RPP38: variants seen among roughly 807,000 people sequenced by gnomAD.
The protein encoded by RPP38 is ribonuclease P protein subunit p38.
Under a neutral mutation model 1.7 loss-of-function variants are expected in RPP38, and 2 were observed. The observed-to-expected ratio is 1.18, with a 90% CI of 0.48 to 3.70. The LOEUF (loss-of-function observed/expected upper bound fraction) is 3.70, where lower values mean the gene tolerates loss of function less well. Ranked by LOEUF, RPP38 falls within the 30% of genes most tolerant of loss-of-function variation. RPP38 has a pLI of 0.07. For synonymous variants in RPP38, 151 were observed against 131.8 expected (o/e 1.15, Z -1.00); for missense variants, 358 against 340.1 (o/e 1.05, Z -0.41).
At chr10:15,098,441 C>T (rs1845014445) in intron 1 of RPP38, among the ~76,000 whole-genome samples, 1 of 150,812 alleles carries the variant, frequency 6.6e-6, no homozygotes, top group African/African-American at 2.4e-5. Flanking sequence ...AGGCTAGTCT[C>T]GATCTACTGA....
chr10:15,104,174 T>G lies in RPP38; in HGVS notation c.*8T>G. On this transcript the variant is annotated 3_prime_UTR_variant, in exon 3 of 3. Transcript: ENST00000378197. Reference sequence around the variant, plus strand: ...AAAGCTACTCCAAAGTAATCTTGCATAAACTTGTCATGTCATACAGTTTGT... The same window carrying G: ...AAAGCTACTCCAAAGTAATCTTGCAGAAACTTGTCATGTCATACAGTTTGT... The G allele has an allele frequency of 6.4e-7, 1 of 1,557,222 alleles. No individual in the cohort carries two copies.
intron 1 of RPP38, among the ~76,000 whole-genome samples, chr10:15,098,496 A>C (rs1845016408): frequency 6.6e-6 from 1 of 150,438 alleles, no homozygotes; most frequent in Non-Finnish European, 1.5e-5. Flanking sequence ...TGCTGGGATT[A>C]CAGGCGTGAG....
At position 15,097,455 on chromosome 10, in the gene RPP38, G is replaced by C. The variant is rs752632692; in HGVS notation, c.-441G>C. ...TAGGGCAGGAGGCCAGCCCCGGGGG[G>C]ATCGGGCCCGGGACTCTGCGGAATC... On this transcript the variant is annotated 5_prime_UTR_variant, in exon 1 of 3. Transcript: ENST00000378197. The C allele has an allele frequency of 1.3e-5, 2 of 152,326 alleles. No homozygotes were observed. The highest frequency in any genetic ancestry group is 6.5e-5 in the Admixed American group (1 of 15,288). The allele number at this position is 152,326 out of a possible 1,614,324, so 9.4% of individuals were successfully genotyped here. A position where few individuals can be genotyped will look rare whatever the true frequency, so the allele number is the denominator to read the frequency against.
chr10:15,097,811 G>A (rs528009686), intron 1 of RPP38, 45 bp downstream of exon 1: 5 of 152,534 alleles, frequency 3.3e-5, no homozygotes, highest in Non-Finnish European at 7.3e-5. Context: ...TGAGCTTTGG[G>A]TCGGCCGTCG....
chr10:15,101,304 G>C (rs960909609), intron 1 of RPP38, among the ~76,000 whole-genome samples: 32 of 152,122 alleles, frequency 2.1e-4, no homozygotes, highest in African/African-American at 7.7e-4. Flanking sequence ...CCTAGTAAGT[G>C]GTAGTATAAA....
intron 1 of RPP38, among the ~76,000 whole-genome samples, chr10:15,101,813 C>A (rs1161106561): frequency 2.0e-5 from 3 of 152,134 alleles, no homozygotes; most frequent in Non-Finnish European, 2.9e-5. Flanking sequence ...TCGCTTGAAT[C>A]TGGGAGGCAG....
chr10:15,103,751 A>G lies in RPP38; in HGVS notation c.437A>G (p.His146Arg). ...GTCAAGCCTGCCATGATCACCTCACACTTGATTCAGTTAAGCCTAAGCAGA... is the reference window on the plus strand; with the variant it reads ...GTCAAGCCTGCCATGATCACCTCACGCTTGATTCAGTTAAGCCTAAGCAGA... ...KSVKPAMITSHLIQLSLSRSV... is the reference protein window; with the variant it reads ...KSVKPAMITSRLIQLSLSRSV... Residue 146 changes from histidine to arginine, a missense_variant, in exon 3 of 3, where the codon CAC (histidine) becomes CGC (arginine). Physicochemically the swap from His to Arg is conservative, Grantham distance 29. Transcript: ENST00000378197. The G allele has an allele frequency of 6.2e-7, 1 of 1,613,980 alleles. No homozygotes were observed. The highest frequency in any genetic ancestry group is 8.5e-7 in the Non-Finnish European group (1 of 1,180,032).
In RPP38 at chr10:15,104,051, T is replaced by C; in HGVS notation, c.737T>C (p.Leu246Pro). 1 of 1,614,090 alleles carries C rather than the reference T, an allele frequency of 6.2e-7. No homozygotes were observed. The highest frequency in any genetic ancestry group is 8.5e-7 in the Non-Finnish European group (1 of 1,180,018). The change falls in exon 3 of 3, where the codon CTT becomes CCT. Residue 246 changes from leucine (L) to proline (P), a missense_variant. Leu to Pro is a moderately conservative substitution (Grantham distance 98). Transcript: ENST00000378197. ...FEDLSKPKRKLADGRQASVTL... is the reference protein window; with the variant it reads ...FEDLSKPKRKPADGRQASVTL... ...GATCTGTCAAAACCTAAGAGAAAGC[T>C]TGCTGACGGTCGGCAGGCTTCTGTA... is the stretch of plus-strand genomic sequence containing the variant.
chr10:15,103,186 C>T, intron 2 of RPP38, 119 bp from the exon 3 acceptor site: 1 of 965,206 alleles, frequency 1.0e-6, no homozygotes, highest in Non-Finnish European at 1.5e-6. Context: ...GAGTGAAATT[C>T]TGTCTCAAAA....
chr10:15,098,905 A>AGTC (rs202038580), intron 1 of RPP38, among the ~76,000 whole-genome samples: 3,071 of 136,944 alleles, frequency 0.022, 192 homozygotes, highest in African/African-American at 0.058. Flanking sequence ...AAAAAAAAAA[A>AGTC]AGTTCCTCTG....
At position 15,104,246 on chromosome 10, in the gene RPP38, T is replaced by C. The variant is rs971341576; in HGVS notation, c.*80T>C. On this transcript the variant is annotated 3_prime_UTR_variant, in exon 3 of 3. Transcript: ENST00000378197. ...GCCTTGAAACTAATAAAATGAGTTA[T>C]ACTTACATAGATTCATAGGGTCCTG... 2.2e-6 allele frequency: 3 copies of C among 1,361,550 alleles called. No homozygotes were observed. Among genetic ancestry groups the C allele is most frequent in the Non-Finnish European group, 2.0e-6 (2 of 998,764 alleles). The allele number at this position is 1,361,550 out of a possible 1,614,324, so 84.3% of individuals were successfully genotyped here.
chr10:15,100,244 A>G (rs1845072774), intron 1 of RPP38, among the ~76,000 whole-genome samples: 1 of 152,152 alleles, frequency 6.6e-6, no homozygotes. Context: ...TGGAGACATC[A>G]TCTGACTTGC....
In RPP38 at chr10:15,104,053, GCTGACGGTCGGCAGGCTT is replaced by G; in HGVS notation, c.743_760del (p.Asp248_Ser253del). The G allele has an allele frequency of 6.2e-7, 1 of 1,614,112 alleles. No individual in the cohort carries two copies. Among genetic ancestry groups the G allele is most frequent in the Non-Finnish European group, 8.5e-7 (1 of 1,180,026 alleles). On this transcript the variant is annotated inframe_deletion, in exon 3 of 3. Coordinates refer to ENST00000378197, the MANE Select transcript of RPP38 (RefSeq NM_183005.5). The stretch of plus-strand genomic sequence containing the variant: ...TCTGTCAAAACCTAAGAGAAAGCTT[GCTGACGGTCGGCAGGCTT>G]CTGTAACATTACAACCCCTTAAAAT...
At chr10:15,097,901 C>G (rs866864759) in intron 1 of RPP38, 135 bp downstream of exon 1, 1 of 152,266 alleles carries the variant, frequency 6.6e-6, no homozygotes, top group Non-Finnish European at 1.5e-5. Flanking sequence ...CTGGTCACTA[C>G]TGTGTCGGGA....
Position 15,104,021 on chromosome 10 carries a change from T to G in RPP38, c.707T>G (p.Phe236Cys). Reference protein sequence around the residue: ...SQDRELLDTSFEDLSKPKRKL... With the variant: ...SQDRELLDTSCEDLSKPKRKL... Reference sequence around the variant, plus strand: ...GACAGAGAGCTTTTGGACACTTCATTTGAAGATCTGTCAAAACCTAAGAGA... The same window carrying G: ...GACAGAGAGCTTTTGGACACTTCATGTGAAGATCTGTCAAAACCTAAGAGA... The change falls in exon 3 of 3, where the codon TTT becomes TGT. Residue 236 changes from phenylalanine to cysteine, a missense_variant. Coordinates refer to ENST00000378197, the MANE Select transcript of RPP38 (RefSeq NM_183005.5). The G allele has an allele frequency of 6.2e-7, 1 of 1,614,122 alleles. No homozygotes were observed. Among genetic ancestry groups the G allele is most frequent in the South Asian group, 1.1e-5 (1 of 91,070 alleles).
intron 1 of RPP38, among the ~76,000 whole-genome samples, chr10:15,098,448 C>T (rs1370696924): frequency 6.6e-6 from 1 of 151,098 alleles, no homozygotes; most frequent in Non-Finnish European, 1.5e-5. Flanking sequence ...TCTCGATCTA[C>T]TGACCTCAAG....
intron 1 of RPP38, among the ~76,000 whole-genome samples, chr10:15,098,174 C>A (rs569325911): frequency 6.6e-6 from 1 of 151,342 alleles, no homozygotes; most frequent in Non-Finnish European, 1.5e-5. Context: ...CCTAGTTTCT[C>A]ACCGCTTTCT....
chr10:15,098,213 C>A (rs887150018), intron 1 of RPP38, among the ~76,000 whole-genome samples: 2 of 137,234 alleles, frequency 1.5e-5, no homozygotes, highest in East Asian at 2.1e-4. Flanking sequence ...CCACATTGAA[C>A]TTATTTGAAC....
intron 2 of RPP38, 178 bp from the exon 3 acceptor site, chr10:15,103,127 G>C (rs1845164932): frequency 2.2e-6 from 1 of 456,342 alleles, no homozygotes; most frequent in Non-Finnish European, 3.7e-6. Flanking sequence ...AGGAGGTGGA[G>C]GTTGCAGTGA....
Sources: allele counts gnomAD v4.1 joint callset (sites outside exome capture counted in the v4.1 genomes callset), GRCh38; gene constraint gnomAD v4.1.1; transcripts MANE v1.5; gene names NCBI Gene and HGNC (gene_info 2026-07-23, HGNC 2026-07-21).